HTR4: variants seen among roughly 807,000 people sequenced by gnomAD.
HTR4 encodes the protein 5-hydroxytryptamine receptor 4.
In HTR4, 16 loss-of-function variants were observed where a neutral mutation model predicts 36.8. That is an observed-to-expected ratio of 0.43 (90% CI 0.29 to 0.66). HTR4 has a LOEUF of 0.66. Ranked by LOEUF, HTR4 falls within the 30% of genes least tolerant of loss-of-function variation. HTR4 has a pLI of 0.13. For missense variants in HTR4, 438 were observed against 490.9 expected, an observed-to-expected ratio of 0.89 and a Z score of 1.02; for synonymous variants, 189 against 185.1, an observed-to-expected ratio of 1.02 and a Z score of -0.17.
chr5:148,549,876 A>T (rs1371976133), intron 3 of HTR4, among the ~76,000 whole-genome samples: 1 of 152,192 alleles, frequency 6.6e-6, no homozygotes, highest in East Asian at 1.9e-4. Context: ...CAACAATTGT[A>T]TATATAGTGA....
chr5:148,564,952 A>T (rs1252885423), intron 2 of HTR4, among the ~76,000 whole-genome samples: 2 of 152,028 alleles, frequency 1.3e-5, no homozygotes, highest in East Asian at 1.9e-4. Context: ...TCTGCTAAAA[A>T]TACAAAAATT....
intron 2 of HTR4, among the ~76,000 whole-genome samples, chr5:148,587,867 A>G (rs569871490): frequency 6.6e-6 from 1 of 152,298 alleles, no homozygotes; most frequent in South Asian, 2.1e-4. Flanking sequence ...TTTAAAAGTG[A>G]GAGTTAGTAA....
intron 5 of HTR4, among the ~76,000 whole-genome samples, chr5:148,516,079 T>C (rs1757736871): frequency 6.6e-6 from 1 of 151,094 alleles, no homozygotes; most frequent in Non-Finnish European, 1.5e-5. Context: ...GAATGGTCTG[T>C]AATAAAATTT....
At chr5:148,521,013 G>A in intron 5 of HTR4, 2 of 1,366,780 alleles carry the variant, frequency 1.5e-6, no homozygotes, top group Non-Finnish European at 2.0e-6. Context: ...GGTGAAAAGA[G>A]GAAAGGGCAG....
At chr5:148,480,813 A>G (rs1755854203), downstream of HTR4, among the ~76,000 whole-genome samples, 1 of 152,340 alleles carries the variant, frequency 6.6e-6, no homozygotes, top group Non-Finnish European at 1.5e-5. Flanking sequence ...CCCGGTAAAT[A>G]AATTCATAGT....
At chr5:148,607,503 C>A (rs1040712260) in intron 2 of HTR4, among the ~76,000 whole-genome samples, 1 of 152,146 alleles carries the variant, frequency 6.6e-6, no homozygotes, top group Admixed American at 6.5e-5. Flanking sequence ...ATCCTCCCAA[C>A]ATCATTTCCA....
intron 4 of HTR4, among the ~76,000 whole-genome samples, chr5:148,530,034 G>T (rs2113810316): frequency 6.6e-6 from 1 of 152,316 alleles, no homozygotes; most frequent in Non-Finnish European, 1.5e-5. Flanking sequence ...CCATCAGGAA[G>T]AAATGTTAAG....
intron 2 of HTR4, among the ~76,000 whole-genome samples, chr5:148,555,071 C>T (rs1759879317): frequency 6.6e-6 from 1 of 151,532 alleles, no homozygotes; most frequent in African/African-American, 2.4e-5. Context: ...TATATTTTAG[C>T]ATTATATAAA....
downstream of HTR4, among the ~76,000 whole-genome samples, chr5:148,473,376 G>C (rs1755620069): frequency 6.6e-6 from 1 of 151,278 alleles, no homozygotes; most frequent in African/African-American, 2.4e-5. Context: ...TGAAAGACTA[G>C]ATAAGTTGTA....
intron 4 of HTR4, among the ~76,000 whole-genome samples, chr5:148,547,879 T>G (rs1250578280): frequency 1.3e-5 from 2 of 152,184 alleles, no homozygotes; most frequent in Non-Finnish European, 2.9e-5. Context: ...CACCCCACAT[T>G]TTTCTGAGAG....
intron 5 of HTR4, among the ~76,000 whole-genome samples, chr5:148,516,888 G>T (rs1306766797): frequency 6.6e-6 from 1 of 152,064 alleles, no homozygotes; most frequent in African/African-American, 2.4e-5. Context: ...TCATGTTTAG[G>T]TTATGTTTAA....
chr5:148,488,206 T>C (rs146336843), intron 6 of HTR4, among the ~76,000 whole-genome samples: 2 of 152,206 alleles, frequency 1.3e-5, no homozygotes, highest in Non-Finnish European at 2.9e-5. Context: ...GATCAAGTGT[T>C]TCCCAAACAT....
chr5:148,541,957 CTT>C (rs972952815), intron 4 of HTR4, among the ~76,000 whole-genome samples: 1 of 148,772 alleles, frequency 6.7e-6, no homozygotes, highest in Non-Finnish European at 1.5e-5. Context: ...ACTCCAATAG[CTT>C]TTTTTTTTTC....
At chr5:148,632,504 G>A (rs781142001) in intron 2 of HTR4, among the ~76,000 whole-genome samples, 1 of 152,072 alleles carries the variant, frequency 6.6e-6, no homozygotes, top group Non-Finnish European at 1.5e-5. Flanking sequence ...GGGGCAGGGA[G>A]GTGAGTCAAG....
At position 148,550,252 on chromosome 5, in the gene HTR4, C is replaced by G. The variant is rs1759616664; in HGVS notation, c.37G>C (p.Gly13Arg). 5 of 1,613,944 alleles carry G rather than the reference C, an allele frequency of 3.1e-6. No individual in the cohort carries two copies. Among genetic ancestry groups the G allele is most frequent in the Non-Finnish European group, 3.4e-6 (4 of 1,180,016 alleles). Reference protein sequence around the residue: ...KLDANVSSEEGFGSVEKVVLL... With the variant: ...KLDANVSSEERFGSVEKVVLL... ...ACCACCTTCTCCACTGACCCGAAAC[C>G]CTCCTCAGAACTGAAAGACACACAC... The change falls in exon 3 of 7, where the codon GGT becomes CGT. Residue 13 changes from glycine (G) to arginine (R), a missense_variant. By Grantham distance (125) the Gly-to-Arg change is moderately radical (BLOSUM62 -2). Coordinates refer to ENST00000377888, the MANE Select transcript of HTR4 (RefSeq NM_000870.7).
chr5:148,559,955 T>A (rs543105803), intron 2 of HTR4, among the ~76,000 whole-genome samples: 1 of 152,258 alleles, frequency 6.6e-6, no homozygotes, highest in Non-Finnish European at 1.5e-5. Context: ...TCTTGCTTTA[T>A]CATGCTCTGA....
intron 5 of HTR4, among the ~76,000 whole-genome samples, chr5:148,464,937 T>G (rs1406442291): frequency 6.6e-6 from 1 of 152,208 alleles, no homozygotes; most frequent in African/African-American, 2.4e-5. Context: ...TGGAGGAATC[T>G]TAAATGCATA....
chr5:148,607,811 T>C (rs923686088), intron 2 of HTR4, among the ~76,000 whole-genome samples: 4 of 152,204 alleles, frequency 2.6e-5, no homozygotes, highest in African/African-American at 9.6e-5. Context: ...AAATGTCCCA[T>C]GGACTAAGCC....
At chr5:148,463,940 G>C (rs1228179488) in intron 5 of HTR4, among the ~76,000 whole-genome samples, 2 of 149,136 alleles carry the variant, frequency 1.3e-5, no homozygotes, top group African/African-American at 4.9e-5. Flanking sequence ...GGTAGATATA[G>C]TCAACTTATC....
Sources: allele counts gnomAD v4.1 joint callset (sites outside exome capture counted in the v4.1 genomes callset), GRCh38; gene constraint gnomAD v4.1.1; transcripts MANE v1.5; gene names NCBI Gene and HGNC (gene_info 2026-07-23, HGNC 2026-07-21).